TGFB1: variants seen among roughly 807,000 people sequenced by gnomAD.
TGFB1 encodes the protein transforming growth factor beta-1 proprotein.
A neutral mutation model predicts 43.8 loss-of-function variants in TGFB1; 19 were observed. That is an observed-to-expected ratio of 0.43 (90% CI 0.30 to 0.64). The LOEUF (loss-of-function observed/expected upper bound fraction) is 0.64, where lower values mean the gene tolerates loss of function less well. Ranked by LOEUF, TGFB1 falls within the 30% of genes least tolerant of loss-of-function variation. The pLI is 0.11. For missense variants in TGFB1, 445 were observed against 529.8 expected (o/e 0.84, Z 1.57); for synonymous variants, 221 against 236.3 (o/e 0.94, Z 0.60).
chr19:41,336,574 G>T (rs1436893981), intron 5 of TGFB1, among the ~76,000 whole-genome samples: 1 of 151,222 alleles, frequency 6.6e-6, no homozygotes, highest in Non-Finnish European at 1.5e-5. Context: ...TTTTTTTTGG[G>T]AGATGGGGTT....
In TGFB1 at chr19:41,344,769, C is replaced by T. The variant is rs2038096971; in HGVS notation, c.612G>A (p.Val204=). The T allele has an allele frequency of 2.5e-6, 4 of 1,614,010 alleles. No individual in the cohort carries two copies. In the East Asian group the frequency reaches 8.9e-5, roughly 36 times the overall value. Reference sequence around the variant, plus strand: ...CACCTCCACGGCTCAACCACTGCCGCACAACTCCGGTGACATCAAAAGATA... The same window carrying T: ...CACCTCCACGGCTCAACCACTGCCGTACAACTCCGGTGACATCAAAAGATA... ...EWLSFDVTGV[V]RQWLSRGGEI... The change falls in exon 3 of 7, where the codon GTG becomes GTA. Residue 204 remains valine (V), a synonymous_variant. Coordinates refer to ENST00000221930, the MANE Select transcript of TGFB1 (RefSeq NM_000660.7).
chr19:41,341,194 C>T (rs777576053), intron 5 of TGFB1, among the ~76,000 whole-genome samples: 7 of 150,984 alleles, frequency 4.6e-5, no homozygotes, highest in Admixed American at 1.3e-4. Flanking sequence ...AGGCCGGGCG[C>T]GTTGGCTCAC....
At position 41,353,154 on chromosome 19, in the gene TGFB1, C is replaced by G; in HGVS notation, c.-110G>C. The G allele has an allele frequency of 7.3e-7, 1 of 1,361,176 alleles. No homozygotes were observed. The allele number at this position is 1,361,176 out of a possible 1,614,324, so 84.3% of individuals were successfully genotyped here. ...GTCTCCCGGCAAAAGGTAGGAGGGCCTCGAGGGAAAGCTGAGGTCCTCAGG... is the reference window on the plus strand; with the variant it reads ...GTCTCCCGGCAAAAGGTAGGAGGGCGTCGAGGGAAAGCTGAGGTCCTCAGG... On this transcript the variant is annotated 5_prime_UTR_variant, in exon 1 of 7. Transcript: ENST00000221930. The surrounding 1 kb of genome is among the most constrained non-coding windows in gnomAD (Gnocchi z 5.9).
At chr19:41,341,851 T>C in intron 5 of TGFB1, 32 bp downstream of exon 5, 1 of 1,612,276 alleles carries the variant, frequency 6.2e-7, no homozygotes, top group Non-Finnish European at 8.5e-7. Flanking sequence ...GCCCCCAGCC[T>C]GGAAGGCCTC....
At chr19:41,344,987 T>G in intron 2 of TGFB1, 123 bp from the exon 3 acceptor site, 1 of 887,912 alleles carries the variant, frequency 1.1e-6, no homozygotes. Context: ...TCCCAGGCAC[T>G]ACCCTCTCAG....
intron 5 of TGFB1, among the ~76,000 whole-genome samples, chr19:41,333,016 GTGCTA>G (rs1288890311): frequency 6.6e-6 from 1 of 151,912 alleles, no homozygotes; most frequent in African/African-American, 2.4e-5. Context: ...GAGCCACAAG[GTGCTA>G]TCAAATCTGG....
rs2037940833 is a variant in TGFB1 at position 41,332,223 on chromosome 19, C to T, written c.919G>A (p.Gly307Ser). 1 of 1,614,172 alleles carries T rather than the reference C, an allele frequency of 6.2e-7. No homozygotes were observed. Among genetic ancestry groups the T allele is most frequent in the South Asian group, 1.1e-5 (1 of 91,088 alleles). The change falls in exon 6 of 7, where the codon GGC (glycine) becomes AGC (serine). Residue 307 changes from glycine to serine, a missense_variant. By Grantham distance (56) the Gly-to-Ser change is moderately conservative. This residue lies in a region of TGFB1 where 366 missense variants were observed against 428.8 expected (regional missense o/e 0.85). Transcript: ENST00000221930. ...QLYIDFRKDLGWKWIHEPKGY... is the reference protein window; with the variant it reads ...QLYIDFRKDLSWKWIHEPKGY... ...TTGGGCTCGTGGATCCACTTCCAGC[C>T]GAGGTCCTTGCGGAAGTCAATGTAC...
chr19:41,333,437 A>G (rs2037957338), intron 5 of TGFB1, among the ~76,000 whole-genome samples: 1 of 150,738 alleles, frequency 6.6e-6, no homozygotes. Context: ...CTGGTCTCGA[A>G]CTCCTGACCT....
chr19:41,332,216 T>C lies in TGFB1; in HGVS notation c.926A>G (p.Lys309Arg), dbSNP rs369182751. The change falls in exon 6 of 7, where the codon AAG becomes AGG. Residue 309 changes from lysine to arginine, a missense_variant. Around this residue, in one of 3 missense-constraint regions of TGFB1, gnomAD observed 366 missense variants for 428.8 expected, o/e 0.85. Transcript: ENST00000221930. Reference sequence around the variant, plus strand: ...GTAGCCCTTGGGCTCGTGGATCCACTTCCAGCCGAGGTCCTTGCGGAAGTC... The same window carrying C: ...GTAGCCCTTGGGCTCGTGGATCCACCTCCAGCCGAGGTCCTTGCGGAAGTC... ...YIDFRKDLGW[K>R]WIHEPKGYHA... The C allele has an allele frequency of 6.2e-7, 1 of 1,613,996 alleles. No individual in the cohort carries two copies. Among genetic ancestry groups the C allele is most frequent in the African/African-American group, 1.3e-5 (1 of 74,918 alleles).
intron 3 of TGFB1, among the ~76,000 whole-genome samples, chr19:41,344,250 G>T (rs1204003398): frequency 6.6e-6 from 1 of 152,010 alleles, no homozygotes; most frequent in Non-Finnish European, 1.5e-5. Flanking sequence ...CTTCAAAAGT[G>T]CTGGGATTAT....
Position 41,335,056 on chromosome 19 carries a change from C to CTT in TGFB1, c.861-2777_861-2776dup, listed in dbSNP as rs66780031. Among the ~76,000 whole-genome samples, 44 of 144,138 alleles carry CTT rather than the reference C, an allele frequency of 3.1e-4. 1 individual carries two copies. The highest frequency in any genetic ancestry group is 1.4e-3 in the Admixed American group (20 of 14,310). The allele number at this position is 144,138 out of a possible 152,430, so 94.6% of individuals were successfully genotyped here. ...AAGGGGAAGAACTAGTGTCCGGAAT[C>CTT]TTTTTTTTTTTTTGAGATGGAGTTT... On this transcript the variant is annotated intron_variant, in intron 5 of 6. Transcript: ENST00000221930.
At chr19:41,335,002 C>G (rs2037973590) in intron 5 of TGFB1, among the ~76,000 whole-genome samples, 1 of 151,730 alleles carries the variant, frequency 6.6e-6, no homozygotes, top group Admixed American at 6.6e-5. Context: ...CTGGCTTTCA[C>G]TTTCTCACAG....
chr19:41,332,107 A>G, intron 6 of TGFB1, 21 bp downstream of exon 6: 1 of 1,604,778 alleles, frequency 6.2e-7, no homozygotes, highest in Non-Finnish European at 8.5e-7. Flanking sequence ...CGCATCTCGT[A>G]GCCCGGTGGG....
In TGFB1 at chr19:41,348,419, A is replaced by G. The variant is rs200652346; in HGVS notation, c.392T>C (p.Ile131Thr). ...CTCTGATGTGTTGAAGAACATATAT[A>G]TGCTGTGTGTACTCTGCTTGAACTT... ...YDKFKQSTHS[I>T]YMFFNTSELR... is the part of the protein sequence containing the mutation. The change falls in exon 2 of 7, where the codon ATA (isoleucine) becomes ACA (threonine). Residue 131 changes from isoleucine (I) to threonine (T), a missense_variant. Around this residue, in one of 3 missense-constraint regions of TGFB1, gnomAD observed 366 missense variants for 428.8 expected, o/e 0.85. Coordinates refer to ENST00000221930, the MANE Select transcript of TGFB1 (RefSeq NM_000660.7). 10 of 1,612,676 alleles carry G rather than the reference A, an allele frequency of 6.2e-6. No homozygotes were observed. The highest frequency in any genetic ancestry group is 8.5e-6 in the Non-Finnish European group (10 of 1,179,330).
intron 3 of TGFB1, among the ~76,000 whole-genome samples, chr19:41,343,974 T>C (rs949532861): frequency 2.3e-4 from 27 of 118,086 alleles, no homozygotes; most frequent in African/African-American, 9.5e-4. Flanking sequence ...TCCCTTTGCC[T>C]GGAATCTTTT....
intron 1 of TGFB1, among the ~76,000 whole-genome samples, chr19:41,350,527 C>T (rs2038175825): frequency 6.6e-6 from 1 of 152,078 alleles, no homozygotes; most frequent in Non-Finnish European, 1.5e-5. Context: ...AGGCTGGTCT[C>T]CAACTCCTGA....
In TGFB1 at chr19:41,342,068, A is replaced by C. The variant is rs2038062747; in HGVS notation, c.713-38T>G. 3.7e-6 allele frequency: 6 copies of C among 1,613,976 alleles called. No individual in the cohort carries two copies. In the South Asian group the frequency reaches 6.6e-5, roughly 18 times the overall value. ...GGGAGTCAGGGGATAGGGGACATAC[A>C]CACACACTCTCAGAGGGATAGATAA... On this transcript the variant is annotated intron_variant, in intron 4 of 6. Coordinates refer to ENST00000221930, the MANE Select transcript of TGFB1 (RefSeq NM_000660.7).
In TGFB1 at chr19:41,353,406, G is replaced by A. The variant is rs1284238386; in HGVS notation, c.-362C>T. On this transcript the variant is annotated 5_prime_UTR_variant, in exon 1 of 7. Transcript: ENST00000221930. This position sits in a 1 kb window ranked among gnomAD's most constrained non-coding sequence, Gnocchi z 5.9. ...GGCGGCGTGCAGGGGGTGCGCCCGA[G>A]GTCTGGGGAAAAGTCTTTGCGGGAG... 2.7e-5 allele frequency: 6 copies of A among 223,812 alleles called. No homozygotes were observed. The East Asian group carries it at 3.9e-4, about 15-fold the overall frequency. The allele number at this position is 223,812 out of a possible 1,614,324, so 13.9% of individuals were successfully genotyped here.
chr19:41,331,104 G>A lies in TGFB1; in HGVS notation c.1121C>T (p.Pro374Leu). Residue 374 changes from proline (P) to leucine (L), a missense_variant, in exon 7 of 7, where the codon CCC becomes CTC. Pro to Leu is a moderately conservative substitution (Grantham distance 98). Around this residue, in one of 3 missense-constraint regions of TGFB1, gnomAD observed 56 missense variants for 46.9 expected, o/e 1.19. Transcript: ENST00000221930. ...CATGTTGGACAGCTGCTCCACCTTG[G>A]GCTTGCGGCCCACGTAGTACACGAT... ...LPIVYYVGRK[P>L]KVEQLSNMIV... 1 of 1,590,236 alleles carries A rather than the reference G, an allele frequency of 6.3e-7. No individual in the cohort carries two copies. The highest frequency in any genetic ancestry group is 8.5e-7 in the Non-Finnish European group (1 of 1,170,402).
Sources: allele counts gnomAD v4.1 joint callset (sites outside exome capture counted in the v4.1 genomes callset), GRCh38; gene constraint gnomAD v4.1.1; regional missense constraint gnomAD v4.1.1; non-coding constraint Gnocchi (gnomAD v3.1); transcripts MANE v1.5; gene names NCBI Gene and HGNC (gene_info 2026-07-23, HGNC 2026-07-21).